Variants in CHD1L observed in about 807,000 individuals in gnomAD.
CHD1L encodes the protein ATP-dependent chromatin remodeler CHD1L.
A neutral mutation model predicts 115.9 loss-of-function variants in CHD1L; 118 were observed. That is an observed-to-expected ratio of 1.02 (90% CI 0.88 to 1.19). The LOEUF is 1.19. CHD1L is among the 50% of genes most tolerant of loss of function. The pLI is 0.00. For missense variants in CHD1L, 1,179 were observed against 1,065.3 expected, an observed-to-expected ratio of 1.11 and a Z score of -1.49; for synonymous variants, 411 against 387.1, an observed-to-expected ratio of 1.06 and a Z score of -0.72.
chr1:147,225,640 C>G, the CHD1L span: 1 of 153,254 alleles, frequency 6.5e-6, no homozygotes, highest in South Asian at 2.1e-4. Flanking sequence ...CTGGTTTTTG[C>G]CTTAAAGTGA....
chr1:147,207,571 C>T, the CHD1L span, among the ~76,000 whole-genome samples: 11 of 152,152 alleles, frequency 7.2e-5, no homozygotes, highest in Non-Finnish European at 1.2e-4. Flanking sequence ...TTTGAGTCTG[C>T]CATTTATTAT....
At position 147,295,588 on chromosome 1, in the gene CHD1L, A is replaced by G. The variant is rs1687245241; in HGVS notation, c.*79A>G. ...AGGTACTGCAATAGAGTATTTCAAA[A>G]TGGAATCAGGATCTGGTGGGCCTCA... is the stretch of plus-strand genomic sequence containing the variant. On this transcript the variant is annotated 3_prime_UTR_variant, in exon 23 of 23. Transcript: ENST00000369258. 3.8e-6 allele frequency: 4 copies of G among 1,045,588 alleles called. No homozygotes were observed. The highest frequency in any genetic ancestry group is 1.4e-6 in the Non-Finnish European group (1 of 714,186). The allele number at this position is 1,045,588 out of a possible 1,614,324, so 64.8% of individuals were successfully genotyped here.
chr1:147,224,853 A>C, the CHD1L span: 1 of 1,587,994 alleles, frequency 6.3e-7, no homozygotes, highest in East Asian at 2.2e-5. Flanking sequence ...ACCTAGTTGC[A>C]GGGAGGGTTT....
chr1:147,240,625 G>A (rs1056730237), upstream of CHD1L, among the ~76,000 whole-genome samples: 9 of 152,122 alleles, frequency 5.9e-5, no homozygotes, highest in African/African-American at 1.7e-4. Flanking sequence ...GGAATGTCTC[G>A]GTGTAAAACC....
At chr1:147,268,187 A>G (rs1674707359) in intron 9 of CHD1L, among the ~76,000 whole-genome samples, 1 of 152,024 alleles carries the variant, frequency 6.6e-6, no homozygotes, top group African/African-American at 2.4e-5. Flanking sequence ...TCCCCTGGGC[A>G]CCGCTTTAGC....
the CHD1L span, chr1:147,187,150 G>T: frequency 9.3e-6 from 15 of 1,614,014 alleles, no homozygotes. Context: ...GAAGGCCAGA[G>T]ACAGCAGATT....
rs377701598 is a variant in CHD1L at position 147,291,446 on chromosome 1, G to A, written c.2321-36G>A. ...GAGGATTCATTCATTAGTGAACTTGGTGTTCTTTATGTTGCTCCTTTCTGT... is the reference window on the plus strand; with the variant it reads ...GAGGATTCATTCATTAGTGAACTTGATGTTCTTTATGTTGCTCCTTTCTGT... On this transcript the variant is annotated intron_variant, in intron 19 of 22. Transcript: ENST00000369258. The A allele has an allele frequency of 2.0e-6, 3 of 1,538,444 alleles. No homozygotes were observed. The African/African-American group carries it at 4.1e-5, about 21-fold the overall frequency.
intron 17 of CHD1L, 48 bp downstream of exon 17, chr1:147,285,535 A>C: frequency 6.4e-7 from 1 of 1,559,006 alleles, no homozygotes. Context: ...AGGAGTCACT[A>C]TTGTATAGTG....
chr1:147,183,598 G>A, the CHD1L span, among the ~76,000 whole-genome samples: 1 of 152,168 alleles, frequency 6.6e-6, no homozygotes, highest in Admixed American at 6.5e-5. Flanking sequence ...GTTGTAATGA[G>A]AGCACAGAGG....
At chr1:147,252,300 C>A (rs369133957) in intron 1 of CHD1L, among the ~76,000 whole-genome samples, 155 of 152,304 alleles carry the variant, frequency 1.0e-3, no homozygotes, top group Middle Eastern at 3.4e-3. Context: ...AGTAATGCCT[C>A]ATTTCCCAGA....
chr1:147,242,176 T>C (rs937150873), upstream of CHD1L, among the ~76,000 whole-genome samples: 11 of 152,162 alleles, frequency 7.2e-5, no homozygotes, highest in Non-Finnish European at 1.6e-4. Context: ...TTTAATTTAC[T>C]ACTATTCAGA....
Position 147,275,350 on chromosome 1 carries a change from T to A in CHD1L, c.1271-4T>A. On this transcript the variant is annotated splice_polypyrimidine_tract_variant and splice_region_variant and intron_variant, in intron 12 of 22. Coordinates refer to ENST00000369258, the MANE Select transcript of CHD1L (RefSeq NM_004284.6). Reference sequence around the variant, plus strand: ...GATTACATTCCTTTTTGCATTGTTTTCAGGTGGAGTTGGCATGAACTTAAC... The same window carrying A: ...GATTACATTCCTTTTTGCATTGTTTACAGGTGGAGTTGGCATGAACTTAAC... 6.2e-7 allele frequency: 1 copy of A among 1,609,140 alleles called. No individual in the cohort carries two copies.
chr1:147,179,337 CTG>C, the CHD1L span: 2 of 1,603,424 alleles, frequency 1.2e-6, no homozygotes, highest in Non-Finnish European at 1.7e-6. Context: ...GGTGTGGTCA[CTG>C]TAAGAACCTG....
chr1:147,229,333 A>G, the CHD1L span, among the ~76,000 whole-genome samples: 20 of 152,040 alleles, frequency 1.3e-4, no homozygotes, highest in Non-Finnish European at 2.8e-4. Context: ...ATGCGGCATT[A>G]TTTCTGAGGG....
chr1:147,216,500 A>G, the CHD1L span, among the ~76,000 whole-genome samples: 2 of 152,212 alleles, frequency 1.3e-5, no homozygotes, highest in Admixed American at 6.5e-5. Flanking sequence ...TGGAAAGAGT[A>G]TAACATCTCC....
chr1:147,278,265 G>GC lies in CHD1L; in HGVS notation c.1540-1759dup, dbSNP rs1296499181. ...TTTTGAGACAGAGTCTCGTTCTGTT[G>GC]CCAGGCTGGAGTGCAGTGGCGCGAT... On this transcript the variant is annotated intron_variant, in intron 14 of 22. Coordinates refer to ENST00000369258, the MANE Select transcript of CHD1L (RefSeq NM_004284.6). Among the ~76,000 whole-genome samples the GC allele has an allele frequency of 1.6e-4, 17 of 104,432 alleles. 1 individual carries two copies. The highest frequency in any genetic ancestry group is 6.2e-4 in the Admixed American group (4 of 6,488). The allele number at this position is 104,432 out of a possible 152,430, so 68.5% of individuals were successfully genotyped here.
At chr1:147,263,836 T>C (rs138682843) in intron 6 of CHD1L, among the ~76,000 whole-genome samples, 78 of 152,300 alleles carry the variant, frequency 5.1e-4, no homozygotes, top group African/African-American at 1.9e-3. Context: ...TGTTCTTCTT[T>C]GTTGTTGAAA....
chr1:147,260,135 A>G (rs1363343385), intron 6 of CHD1L: 4 of 413,190 alleles, frequency 9.7e-6, no homozygotes, highest in African/African-American at 8.0e-5. Flanking sequence ...AGTTGTTGCA[A>G]CTGATGAACC....
the CHD1L span, among the ~76,000 whole-genome samples, chr1:147,229,438 A>G: frequency 0.12 from 17,928 of 151,990 alleles, 1,907 homozygotes; most frequent in African/African-American, 0.29. Context: ...GAAGTCAGGT[A>G]GCGTGATGCC....
Sources: gnomAD v4.1 joint callset for allele counts (sites outside exome capture counted in the v4.1 genomes callset) on GRCh38, gnomAD v4.1.1 for gene constraint, MANE v1.5 for transcripts, NCBI Gene and HGNC (gene_info 2026-07-23, HGNC 2026-07-21) for gene names.